The following MARCHF8 variants were observed in gnomAD, a reference collection of about 807,000 sequenced individuals.
MARCHF8 encodes the protein E3 ubiquitin-protein ligase MARCHF8.
A neutral mutation model predicts 51.6 loss-of-function variants in MARCHF8; 40 were observed. The observed-to-expected ratio is 0.77, with a 90% CI of 0.60 to 1.01. The LOEUF (loss-of-function observed/expected upper bound fraction) is 1.01, where lower values mean the gene tolerates loss of function less well. Among genes scored for constraint, MARCHF8 ranks in the 50% least tolerant of loss-of-function variants. MARCHF8 has a pLI of 0.00. For synonymous variants in MARCHF8, 263 were observed against 280.3 expected, an observed-to-expected ratio of 0.94 and a Z score of 0.62; for missense variants, 685 against 708.6, an observed-to-expected ratio of 0.97 and a Z score of 0.38.
chr10:45,465,039 T>C lies in MARCHF8; in HGVS notation c.154-712A>G, dbSNP rs545290634. Among the ~76,000 whole-genome samples, 26 of 152,054 alleles carry C rather than the reference T, an allele frequency of 1.7e-4. 2 individuals are homozygous for C. In the East Asian group the frequency reaches 4.6e-3, roughly 27 times the overall value. On this transcript the variant is annotated intron_variant, in intron 3 of 7. Coordinates refer to ENST00000453424, the MANE Select transcript of MARCHF8 (RefSeq NM_001282866.2). ...AGAACAGAGTCTCTGGGGTGGTGAA[T>C]AGTCAAACTTAGAGAAAAAAATCTA...
intron 1 of MARCHF8, among the ~76,000 whole-genome samples, chr10:45,575,792 AAAG>A (rs1309276574): frequency 2.0e-5 from 3 of 152,156 alleles, no homozygotes; most frequent in Non-Finnish European, 4.4e-5. Context: ...AAGAATCACA[AAAG>A]AAGTGAAAAT....
At chr10:45,479,825 G>C (rs1420690814) in intron 3 of MARCHF8, among the ~76,000 whole-genome samples, 1 of 152,152 alleles carries the variant, frequency 6.6e-6, no homozygotes, top group Non-Finnish European at 1.5e-5. Context: ...ACAGTAAATT[G>C]GTACCAGTAA....
intron 1 of MARCHF8, among the ~76,000 whole-genome samples, chr10:45,569,249 C>G (rs1369684697): frequency 6.6e-6 from 1 of 152,072 alleles, no homozygotes; most frequent in Non-Finnish European, 1.5e-5. Context: ...TCATATATGG[C>G]TTTAATTACG....
At chr10:45,546,653 G>A (rs12771098) in intron 1 of MARCHF8, among the ~76,000 whole-genome samples, 1,759 of 151,954 alleles carry the variant, frequency 0.012, 8 homozygotes, top group Non-Finnish European at 0.019. Flanking sequence ...GCGTGGTGGT[G>A]CATGCCTGTG....
At chr10:45,572,720 G>A (rs890340351) in intron 1 of MARCHF8, among the ~76,000 whole-genome samples, 26 of 151,884 alleles carry the variant, frequency 1.7e-4, no homozygotes, top group African/African-American at 3.6e-4. Flanking sequence ...AACCCCAAGC[G>A]TCTCTGAGTC....
intron 3 of MARCHF8, among the ~76,000 whole-genome samples, chr10:45,476,554 C>T (rs1193395976): frequency 1.3e-5 from 2 of 151,940 alleles, no homozygotes; most frequent in African/African-American, 4.8e-5. Flanking sequence ...GGCAACAGAC[C>T]AAGATCCGGA....
At chr10:45,459,649 G>T in intron 6 of MARCHF8, 1 of 936,290 alleles carries the variant, frequency 1.1e-6, no homozygotes, top group Non-Finnish European at 1.3e-6. Context: ...TGACTGGCAT[G>T]GACGAGCGGA....
chr10:45,542,345 CAAAAAAAAAAAAAAAA>C (rs60776762), intron 1 of MARCHF8, among the ~76,000 whole-genome samples: 1 of 48,982 alleles, frequency 2.0e-5, no homozygotes, highest in Non-Finnish European at 3.9e-5. Flanking sequence ...GACTTCGTCT[CAAAAAAAAAAAAAAAA>C]AAAAAAAAAA....
chr10:45,544,060 C>A (rs2044090118), intron 1 of MARCHF8, among the ~76,000 whole-genome samples: 1 of 151,586 alleles, frequency 6.6e-6, no homozygotes, highest in Non-Finnish European at 1.5e-5. Context: ...AGCATGAGAC[C>A]CCGTCTCTAA....
chr10:45,561,882 C>T (rs1286773463), intron 1 of MARCHF8, among the ~76,000 whole-genome samples: 12 of 121,604 alleles, frequency 9.9e-5, no homozygotes, highest in African/African-American at 2.6e-4. Flanking sequence ...GCCTGGGCAA[C>T]GGAGCAAGAC....
chr10:45,537,472 G>A (rs1391226160), upstream of MARCHF8, among the ~76,000 whole-genome samples: 4 of 151,948 alleles, frequency 2.6e-5, no homozygotes, highest in Non-Finnish European at 2.9e-5. Context: ...GGGCAACATG[G>A]CAAAACCACA....
chr10:45,506,143 T>C (rs1468299918), intron 2 of MARCHF8, among the ~76,000 whole-genome samples: 2 of 152,168 alleles, frequency 1.3e-5, no homozygotes, highest in Non-Finnish European at 2.9e-5. Context: ...ATAAACAGAA[T>C]ATTCCTAAAT....
chr10:45,472,052 G>A (rs1161423884), intron 3 of MARCHF8, among the ~76,000 whole-genome samples: 2 of 152,180 alleles, frequency 1.3e-5, no homozygotes, highest in Admixed American at 6.5e-5. Context: ...CTGAGCCGCG[G>A]AGTATACTAC....
At chr10:45,525,336 A>C (rs2043773295) in intron 2 of MARCHF8, among the ~76,000 whole-genome samples, 2 of 152,226 alleles carry the variant, frequency 1.3e-5, no homozygotes, top group Admixed American at 1.3e-4. Flanking sequence ...TGTGTAGCTT[A>C]CTTTAAATAT....
intron 2 of MARCHF8, among the ~76,000 whole-genome samples, chr10:45,512,412 C>T (rs1487915075): frequency 4.0e-5 from 6 of 150,516 alleles, no homozygotes; most frequent in East Asian, 4.0e-4. Flanking sequence ...GTCAGCCCCC[C>T]GCCCGGCCAG....
chr10:45,548,650 G>A (rs1322361008), intron 1 of MARCHF8, among the ~76,000 whole-genome samples: 1 of 152,186 alleles, frequency 6.6e-6, no homozygotes, highest in Non-Finnish European at 1.5e-5. Context: ...TCACGTCTGA[G>A]AAACAGAACA....
In MARCHF8 at chr10:45,493,042, T is replaced by C. The variant is rs2043113478; in HGVS notation, c.103-3625A>G. Among the ~76,000 whole-genome samples the C allele has an allele frequency of 1.3e-5, 2 of 152,224 alleles. 1 individual carries two copies. Among genetic ancestry groups the C allele is most frequent in the South Asian group, 4.1e-4 (2 of 4,838 alleles). Reference sequence around the variant, plus strand: ...TTGTGGATTAGGGACGCTCAACGTGTATTACCACTGAACTCCTCTGAAAAA... The same window carrying C: ...TTGTGGATTAGGGACGCTCAACGTGCATTACCACTGAACTCCTCTGAAAAA... On this transcript the variant is annotated intron_variant, in intron 2 of 7. Transcript: ENST00000453424.
chr10:45,474,184 T>G (rs2042745158), intron 3 of MARCHF8, among the ~76,000 whole-genome samples: 1 of 152,224 alleles, frequency 6.6e-6, no homozygotes, highest in Admixed American at 6.5e-5. Flanking sequence ...TCGTAAACTC[T>G]GCATGGCCTC....
At chr10:45,584,126 CATATATATATAT>C (rs55978063) in intron 1 of MARCHF8, among the ~76,000 whole-genome samples, 1,853 of 85,350 alleles carry the variant, frequency 0.022, 34 homozygotes, top group East Asian at 0.076. Context: ...TATATACAAT[CATATATATATAT>C]ATATATATAT....
Sources: allele counts gnomAD v4.1 joint callset (sites outside exome capture counted in the v4.1 genomes callset), GRCh38; gene constraint gnomAD v4.1.1; transcripts MANE v1.5; gene names NCBI Gene and HGNC (gene_info 2026-07-23, HGNC 2026-07-21).